STK32B: variants seen among roughly 807,000 people sequenced by gnomAD.
STK32B encodes serine/threonine kinase 32B, also known as serine/threonine-protein kinase 32B.
Under a neutral mutation model 52.6 loss-of-function variants are expected in STK32B, and 43 were observed. The observed-to-expected ratio is 0.82, with a 90% CI of 0.64 to 1.05. The LOEUF (loss-of-function observed/expected upper bound fraction) is 1.05, where lower values mean the gene tolerates loss of function less well. Among genes scored for constraint, STK32B ranks in the 50% least tolerant of loss-of-function variants. The pLI, the probability that STK32B is intolerant of heterozygous loss-of-function variation, is 0.00. For missense variants in STK32B, 621 were observed against 534.6 expected (o/e 1.16, Z -1.59); for synonymous variants, 238 against 204.3 (o/e 1.17, Z -1.41).
intron 3 of STK32B, among the ~76,000 whole-genome samples, chr4:5,211,326 G>A (rs1363280882): frequency 1.3e-5 from 2 of 152,152 alleles, no homozygotes; most frequent in African/African-American, 4.8e-5. Context: ...CAAGGCTAAT[G>A]GAAAAGATTT....
chr4:5,188,776 CT>C (rs1344183588), intron 3 of STK32B, among the ~76,000 whole-genome samples: 5,070 of 112,764 alleles, frequency 0.045, 265 homozygotes, highest in African/African-American at 0.14. Flanking sequence ...TAACTGCCAT[CT>C]TTTTTTTTTT....
At chr4:5,392,074 T>C (rs1254128448) in intron 4 of STK32B, among the ~76,000 whole-genome samples, 1 of 152,200 alleles carries the variant, frequency 6.6e-6, no homozygotes, top group Non-Finnish European at 1.5e-5. Flanking sequence ...AAAAAAGAAA[T>C]GCAATCTTGC....
chr4:5,350,394 C>T (rs566999976), intron 4 of STK32B, among the ~76,000 whole-genome samples: 2 of 152,016 alleles, frequency 1.3e-5, no homozygotes, highest in African/African-American at 4.8e-5. Context: ...TTAGACCAGC[C>T]CTACAAGAAA....
intron 4 of STK32B, among the ~76,000 whole-genome samples, chr4:5,356,657 A>G (rs1734186535): frequency 6.6e-6 from 1 of 152,006 alleles, no homozygotes; most frequent in African/African-American, 2.4e-5. Context: ...AATTACCTCT[A>G]TTTCCTGGTT....
chr4:5,485,860 CCT>C (rs1365828208), intron 11 of STK32B, among the ~76,000 whole-genome samples: 1 of 152,148 alleles, frequency 6.6e-6, no homozygotes, highest in Non-Finnish European at 1.5e-5. Flanking sequence ...CACTCCAGAC[CCT>C]GTTTGCCTGG....
chr4:5,461,359 C>T (rs539306440), intron 9 of STK32B, among the ~76,000 whole-genome samples: 3 of 152,336 alleles, frequency 2.0e-5, no homozygotes, highest in African/African-American at 7.2e-5. Flanking sequence ...TGGGGAGCCT[C>T]AGACGTCCCT....
At chr4:5,332,703 G>T (rs1732355352) in intron 4 of STK32B, among the ~76,000 whole-genome samples, 1 of 152,010 alleles carries the variant, frequency 6.6e-6, no homozygotes, top group African/African-American at 2.4e-5. Flanking sequence ...GTGTCCGTGT[G>T]TTATCATTGT....
intron 3 of STK32B, among the ~76,000 whole-genome samples, chr4:5,288,054 A>G (rs544208816): frequency 6.6e-6 from 1 of 152,302 alleles, no homozygotes; most frequent in Non-Finnish European, 1.5e-5. Context: ...TAATGTTTTC[A>G]AGATTCACCC....
At position 5,227,101 on chromosome 4, in the gene STK32B, C is replaced by G. The variant is rs112980971; in HGVS notation, c.260+58651C>G. 3.1e-3 allele frequency among the ~76,000 whole-genome samples: 477 copies of G among 152,210 alleles called. 2 individuals carry two copies. The highest frequency in any genetic ancestry group is 0.011 in the African/African-American group (450 of 41,528). On this transcript the variant is annotated intron_variant, in intron 3 of 11. Coordinates refer to ENST00000282908, the MANE Select transcript of STK32B (RefSeq NM_018401.3). ...TTTGGTTGAAATATATGAAGAAAACCTAACTTCTGACAGATACATAGTTGA... is the reference window on the plus strand; with the variant it reads ...TTTGGTTGAAATATATGAAGAAAACGTAACTTCTGACAGATACATAGTTGA...
chr4:5,037,361 T>G, the STK32B span, among the ~76,000 whole-genome samples: 1 of 152,210 alleles, frequency 6.6e-6, no homozygotes, highest in Non-Finnish European at 1.5e-5. Flanking sequence ...CTCTATTGGG[T>G]ACTTTGATTC....
chr4:5,345,037 A>G (rs1298852693), intron 4 of STK32B, among the ~76,000 whole-genome samples: 1 of 151,828 alleles, frequency 6.6e-6, no homozygotes, highest in Non-Finnish European at 1.5e-5. Flanking sequence ...GAAAAAGATT[A>G]AATAATATAA....
intron 1 of STK32B, among the ~76,000 whole-genome samples, chr4:5,087,060 T>C (rs1466889329): frequency 2.0e-5 from 3 of 152,184 alleles, no homozygotes; most frequent in African/African-American, 7.2e-5. Context: ...TGTATTTTTG[T>C]TTGCAATTCT....
chr4:5,294,337 GC>G (rs1196192118), intron 3 of STK32B, among the ~76,000 whole-genome samples: 1 of 151,994 alleles, frequency 6.6e-6, no homozygotes, highest in Non-Finnish European at 1.5e-5. Context: ...GATGGGAATA[GC>G]ATTGAATCTA....
At chr4:5,283,227 A>G (rs1294805576) in intron 3 of STK32B, among the ~76,000 whole-genome samples, 1 of 152,112 alleles carries the variant, frequency 6.6e-6, no homozygotes, top group African/African-American at 2.4e-5. Flanking sequence ...AGAGTCATTA[A>G]TGTTGTCACA....
In STK32B at chr4:5,439,557, T is replaced by C. The variant is rs1261020104; in HGVS notation, c.563-7116T>C. Among the ~76,000 whole-genome samples the C allele has an allele frequency of 4.0e-5, 6 of 151,620 alleles. 1 individual carries two copies. The highest frequency in any genetic ancestry group is 1.5e-4 in the African/African-American group (6 of 40,928). On this transcript the variant is annotated intron_variant, in intron 6 of 11. Transcript: ENST00000282908. ...TTTTTCTCCCATTTTGTAGGTTGCC[T>C]GTTCACTCTGATGGTAGTTTCTTTT...
intron 4 of STK32B, among the ~76,000 whole-genome samples, chr4:5,365,684 G>T (rs1465075172): frequency 6.6e-6 from 1 of 152,164 alleles, no homozygotes; most frequent in East Asian, 1.9e-4. Context: ...GAAGCAGGTG[G>T]CATTCTCAAC....
chr4:5,155,306 T>C (rs1285606609), intron 2 of STK32B, among the ~76,000 whole-genome samples: 5 of 152,206 alleles, frequency 3.3e-5, no homozygotes, highest in Non-Finnish European at 7.3e-5. Flanking sequence ...CCTGTGATTC[T>C]ATTATGTGTT....
chr4:5,351,738 A>C (rs1334022670), intron 4 of STK32B, among the ~76,000 whole-genome samples: 1 of 151,978 alleles, frequency 6.6e-6, no homozygotes, highest in African/African-American at 2.4e-5. Flanking sequence ...AAAAAGAGAG[A>C]AACCCAAATA....
rs374673917 is a variant in STK32B, at chr4:5,400,300, G to A, written c.472+2056G>A. Among the ~76,000 whole-genome samples, 19 of 152,084 alleles carry A rather than the reference G, an allele frequency of 1.2e-4. 1 individual carries two copies. Among genetic ancestry groups the A allele is most frequent in the South Asian group, 4.2e-4 (2 of 4,804 alleles). Reference sequence around the variant, plus strand: ...TTTGGATTTCCATCCATCCCATTCCGCCTCCCTTTCTGTACCCATTCTCAG... The same window carrying A: ...TTTGGATTTCCATCCATCCCATTCCACCTCCCTTTCTGTACCCATTCTCAG... On this transcript the variant is annotated intron_variant, in intron 5 of 11. Coordinates refer to ENST00000282908, the MANE Select transcript of STK32B (RefSeq NM_018401.3). This position sits in a 1 kb window ranked among gnomAD's most constrained non-coding sequence, Gnocchi z 6.1.
Sources: gnomAD v4.1 joint callset for allele counts (sites outside exome capture counted in the v4.1 genomes callset) on GRCh38, gnomAD v4.1.1 for gene constraint, Gnocchi (gnomAD v3.1) non-coding constraint, MANE v1.5 for transcripts, NCBI Gene and HGNC (gene_info 2026-07-23, HGNC 2026-07-21) for gene names.